The following FHIT variants were observed in gnomAD, a reference collection of about 807,000 sequenced individuals.
FHIT encodes the protein fragile histidine triad diadenosine triphosphatase.
FHIT carries 19 observed loss-of-function variants against 17.9 expected under a neutral mutation model. That is an observed-to-expected ratio of 1.06 (90% CI 0.74 to 1.56). The LOEUF (loss-of-function observed/expected upper bound fraction) is 1.56. Ranked by LOEUF, FHIT falls within the 40% of genes most tolerant of loss-of-function variation. The probability of loss-of-function intolerance (pLI) is 0.00; values close to 1 mark genes in which losing one functional copy is unlikely to be tolerated. For synonymous variants in FHIT, 81 were observed against 69.7 expected, an observed-to-expected ratio of 1.16 and a Z score of -0.81; for missense variants, 248 against 189.2, an observed-to-expected ratio of 1.31 and a Z score of -1.82.
chr3:59,822,169 T>C (rs1474969352), intron 8 of FHIT, among the ~76,000 whole-genome samples: 1 of 152,246 alleles, frequency 6.6e-6, no homozygotes, highest in Non-Finnish European at 1.5e-5. Context: ...ATTGTATACA[T>C]ATACCACAAT....
At chr3:60,231,947 G>A (rs1052546608) in intron 5 of FHIT, among the ~76,000 whole-genome samples, 1 of 152,084 alleles carries the variant, frequency 6.6e-6, no homozygotes, top group Non-Finnish European at 1.5e-5. Context: ...AGGAGACAGG[G>A]AGCATAAAAT....
intron 4 of FHIT, among the ~76,000 whole-genome samples, chr3:60,775,823 T>G (rs1475266926): frequency 1.3e-5 from 2 of 152,158 alleles, no homozygotes; most frequent in Non-Finnish European, 2.9e-5. Context: ...CTGCACAGCC[T>G]GCTGGCTGGT....
intron 5 of FHIT, among the ~76,000 whole-genome samples, chr3:60,309,798 T>C (rs1301723100): frequency 6.6e-6 from 1 of 152,138 alleles, no homozygotes; most frequent in Non-Finnish European, 1.5e-5. Context: ...ATCCTGGGGA[T>C]ACATCCTCGC....
intron 4 of FHIT, among the ~76,000 whole-genome samples, chr3:60,799,236 G>T (rs536804887): frequency 6.6e-6 from 1 of 151,658 alleles, no homozygotes; most frequent in South Asian, 2.1e-4. Context: ...GTGCAATGGC[G>T]CAATCTCGGC....
At chr3:60,597,841 T>C (rs1176210614) in intron 4 of FHIT, among the ~76,000 whole-genome samples, 1 of 152,140 alleles carries the variant, frequency 6.6e-6, no homozygotes, top group Admixed American at 6.6e-5. Context: ...GCAGAGAAGC[T>C]AAGCAGCTGA....
intron 8 of FHIT, among the ~76,000 whole-genome samples, chr3:59,915,715 G>T (rs892998803): frequency 3.9e-5 from 6 of 152,156 alleles, no homozygotes; most frequent in Admixed American, 1.3e-4. Flanking sequence ...CAAGCCAGGA[G>T]GATTGCTTGA....
chr3:61,072,148 G>A (rs2034828451), intron 2 of FHIT, among the ~76,000 whole-genome samples: 1 of 152,154 alleles, frequency 6.6e-6, no homozygotes, highest in African/African-American at 2.4e-5. Flanking sequence ...GGACCTTTGG[G>A]ATAGAGTTGT....
chr3:59,985,959 A>G (rs1445057032), intron 7 of FHIT, among the ~76,000 whole-genome samples: 3 of 152,014 alleles, frequency 2.0e-5, no homozygotes, highest in African/African-American at 7.2e-5. Context: ...GAGAGAGAGA[A>G]AAAAAAGAGG....
At chr3:60,611,501 G>T (rs1490920126) in intron 4 of FHIT, among the ~76,000 whole-genome samples, 2 of 152,128 alleles carry the variant, frequency 1.3e-5, no homozygotes, top group African/African-American at 4.8e-5. Context: ...TGGCATAAAC[G>T]GGTTAAGGAA....
At chr3:60,392,324 G>T (rs1701265735) in intron 5 of FHIT, among the ~76,000 whole-genome samples, 1 of 152,146 alleles carries the variant, frequency 6.6e-6, no homozygotes, top group South Asian at 2.1e-4. Context: ...TGCTTTACAA[G>T]AAGCTTATGG....
chr3:60,549,218 A>G (rs1405105164), intron 4 of FHIT, among the ~76,000 whole-genome samples: 1 of 152,218 alleles, frequency 6.6e-6, no homozygotes, highest in Non-Finnish European at 1.5e-5. Flanking sequence ...CATAAATACA[A>G]ATAAAATCAT....
chr3:60,914,232 A>G (rs1706887377), intron 3 of FHIT, among the ~76,000 whole-genome samples: 1 of 152,220 alleles, frequency 6.6e-6, no homozygotes, highest in Non-Finnish European at 1.5e-5. Context: ...AAGACATGAT[A>G]TCTCCCATCA....
At chr3:61,048,522 T>G (rs2033901467) in intron 2 of FHIT, among the ~76,000 whole-genome samples, 1 of 152,212 alleles carries the variant, frequency 6.6e-6, no homozygotes, top group African/African-American at 2.4e-5. Context: ...ACTTTTACAC[T>G]GCTGGTGGGA....
intron 5 of FHIT, among the ~76,000 whole-genome samples, chr3:60,421,766 A>C (rs1702476672): frequency 6.6e-6 from 1 of 152,070 alleles, no homozygotes; most frequent in Non-Finnish European, 1.5e-5. Flanking sequence ...AAGGTGGAAA[A>C]CTTGAAACAG....
At chr3:60,970,684 T>G (rs1418048475) in intron 3 of FHIT, among the ~76,000 whole-genome samples, 1 of 152,198 alleles carries the variant, frequency 6.6e-6, no homozygotes, top group East Asian at 1.9e-4. Context: ...TAATTGATAC[T>G]TTTATCCTGT....
At chr3:60,962,631 T>C (rs1553781456) in intron 3 of FHIT, among the ~76,000 whole-genome samples, 1 of 152,248 alleles carries the variant, frequency 6.6e-6, no homozygotes. Context: ...TGGGAGTTTT[T>C]AGCATGAAGC....
intron 5 of FHIT, among the ~76,000 whole-genome samples, chr3:60,198,105 CTTT>C (rs960748758): frequency 7.0e-6 from 1 of 143,244 alleles, no homozygotes; most frequent in African/African-American, 2.6e-5. Flanking sequence ...GTTTGGATGA[CTTT>C]TTTTTCTTTT....
At chr3:59,923,565 T>C (rs1366714292) in intron 7 of FHIT, among the ~76,000 whole-genome samples, 3 of 152,194 alleles carry the variant, frequency 2.0e-5, no homozygotes, top group Non-Finnish European at 4.4e-5. Flanking sequence ...AGTTTTACTT[T>C]CCAAATAGCC....
At chr3:61,129,167 C>T (rs1172146152) in intron 2 of FHIT, among the ~76,000 whole-genome samples, 1 of 152,170 alleles carries the variant, frequency 6.6e-6, no homozygotes, top group African/African-American at 2.4e-5. Context: ...GCATTGCCTA[C>T]TTTGTATTTT....
Sources: allele counts gnomAD v4.1 joint callset (sites outside exome capture counted in the v4.1 genomes callset), GRCh38; gene constraint gnomAD v4.1.1; transcripts MANE v1.5; gene names NCBI Gene and HGNC (gene_info 2026-07-23, HGNC 2026-07-21).